The following SIK2 variants were observed in gnomAD, a reference collection of about 807,000 sequenced individuals.
SIK2 encodes the protein serine/threonine-protein kinase SIK2.
A neutral mutation model predicts 103.2 loss-of-function variants in SIK2; 29 were observed. The ratio of observed to expected loss-of-function variants is 0.28; its 90% CI spans 0.21 to 0.38. The LOEUF is 0.38. Among genes scored for constraint, SIK2 ranks in the 10% least tolerant of loss-of-function variants. The probability of loss-of-function intolerance (pLI) is 1.00; values close to 1 mark genes in which losing one functional copy is unlikely to be tolerated. For missense variants in SIK2, 879 were observed against 1,171.0 expected, an observed-to-expected ratio of 0.75 and a Z score of 3.64; for synonymous variants, 412 against 446.1, an observed-to-expected ratio of 0.92 and a Z score of 0.96.
intron 3 of SIK2, among the ~76,000 whole-genome samples, chr11:111,681,760 T>C (rs972504355): frequency 1.3e-5 from 2 of 152,194 alleles, no homozygotes; most frequent in South Asian, 2.1e-4. Context: ...ACCTAATAAA[T>C]GTGGCAGGAA....
intron 3 of SIK2, chr11:111,671,692 A>G: frequency 2.6e-6 from 1 of 383,374 alleles, no homozygotes; most frequent in Non-Finnish European, 5.1e-6. Flanking sequence ...CAGCTCCTGG[A>G]TCTCCTTCAT....
chr11:111,644,102 A>G (rs1299210327), intron 3 of SIK2, among the ~76,000 whole-genome samples: 1 of 151,934 alleles, frequency 6.6e-6, no homozygotes, highest in Non-Finnish European at 1.5e-5. Context: ...CCTGGCCAAC[A>G]TAGTGAAACC....
Position 111,703,296 on chromosome 11 carries a change from A to C in SIK2, c.821A>C (p.Glu274Ala). 6.2e-7 allele frequency: 1 copy of C among 1,614,218 alleles called. No individual in the cohort carries two copies. The highest frequency in any genetic ancestry group is 8.5e-7 in the Non-Finnish European group (1 of 1,180,026). Reference sequence around the variant, plus strand: ...AAGGAGCATAAATGGATGCTCATAGAAGTTCCTGTCCAGAGACCTGTTCTC... The same window carrying C: ...AAGGAGCATAAATGGATGCTCATAGCAGTTCCTGTCCAGAGACCTGTTCTC... The part of the protein sequence containing the change: ...QIKEHKWMLI[E>A]VPVQRPVLYP... Residue 274 changes from glutamate to alanine, a missense_variant, in exon 7 of 15, where the codon GAA becomes GCA. Glu to Ala is a moderately radical substitution (Grantham distance 107, BLOSUM62 -1). Transcript: ENST00000304987.
intron 1 of SIK2, among the ~76,000 whole-genome samples, chr11:111,611,565 CT>C (rs1249011912): frequency 1.3e-5 from 2 of 152,038 alleles, no homozygotes; most frequent in Non-Finnish European, 2.9e-5. Context: ...AATGTTGCTA[CT>C]TTATGTGGGA....
chr11:111,701,646 GCTT>G lies in SIK2; in HGVS notation c.727+75_727+77del. On this transcript the variant is annotated intron_variant, in intron 6 of 14. Transcript: ENST00000304987. The surrounding 1 kb of genome is among the most constrained non-coding windows in gnomAD (Gnocchi z 4.2). ...CTCCAAGTGAAATGCCTAGGTAAAAGCTTCTTTTTTTCTAAGAGTTTGGGTGCC... is the reference window on the plus strand; with the variant it reads ...CTCCAAGTGAAATGCCTAGGTAAAAGCTTTTTTTCTAAGAGTTTGGGTGCC... The G allele has an allele frequency of 6.5e-7, 1 of 1,539,928 alleles. No individual in the cohort carries two copies. The highest frequency in any genetic ancestry group is 1.9e-5 in the Admixed American group (1 of 52,130).
chr11:111,710,090 T>C (rs1943456980), intron 8 of SIK2, among the ~76,000 whole-genome samples: 1 of 152,258 alleles, frequency 6.6e-6, no homozygotes, highest in East Asian at 1.9e-4. Context: ...TCTTCAGTTT[T>C]ATCCTTTGAT....
intron 4 of SIK2, among the ~76,000 whole-genome samples, chr11:111,690,271 T>C (rs1293778700): frequency 3.5e-4 from 48 of 137,030 alleles, no homozygotes; most frequent in Admixed American, 3.5e-3. Flanking sequence ...AGAAGGTCTT[T>C]CTTTTTTTTT....
chr11:111,720,101 G>A lies in SIK2; in HGVS notation c.1495+98G>A, dbSNP rs1943757489. 1.4e-5 allele frequency: 16 copies of A among 1,174,588 alleles called. No individual in the cohort carries two copies. In the South Asian group the frequency reaches 2.0e-4, roughly 15 times the overall value. 72.8% of individuals were successfully genotyped at this position (1,174,588 alleles called of 1,614,324 possible). A position where few individuals can be genotyped will look rare whatever the true frequency, so the allele number is the denominator to read the frequency against. On this transcript the variant is annotated intron_variant, in intron 10 of 14. Coordinates refer to ENST00000304987, the MANE Select transcript of SIK2 (RefSeq NM_015191.3). ...ACGATGCCAGCCAACACCTAAAATT[G>A]AGTCGATAGCTTATTCCTTTATGGA...
At chr11:111,698,773 T>A (rs1943140854) in intron 4 of SIK2, among the ~76,000 whole-genome samples, 1 of 152,232 alleles carries the variant, frequency 6.6e-6, no homozygotes, top group African/African-American at 2.4e-5. Flanking sequence ...ATCCTCAATT[T>A]ACAGGCACTA....
At chr11:111,656,200 A>G (rs1342557018) in intron 3 of SIK2, among the ~76,000 whole-genome samples, 2 of 151,984 alleles carry the variant, frequency 1.3e-5, no homozygotes, top group African/African-American at 2.4e-5. Flanking sequence ...ACAAAAAGAG[A>G]GAGAGATTGA....
At chr11:111,627,992 T>A (rs1427934653) in intron 3 of SIK2, among the ~76,000 whole-genome samples, 1 of 152,350 alleles carries the variant, frequency 6.6e-6, no homozygotes, top group African/African-American at 2.4e-5. Context: ...AATTCCTGTT[T>A]AATCTTCCTA....
intron 1 of SIK2, among the ~76,000 whole-genome samples, chr11:111,606,788 A>G (rs1026633647): frequency 9.2e-5 from 14 of 152,100 alleles, no homozygotes; most frequent in Middle Eastern, 6.8e-3. Context: ...TTATTACCAA[A>G]TCTGTCGTGT....
At chr11:111,686,542 G>A (rs1447826933) in intron 3 of SIK2, among the ~76,000 whole-genome samples, 1 of 152,216 alleles carries the variant, frequency 6.6e-6, no homozygotes, top group Non-Finnish European at 1.5e-5. Context: ...AGCAGAAAAT[G>A]TGTGCAGGTG....
chr11:111,715,322 G>A (rs1023740254), intron 9 of SIK2, among the ~76,000 whole-genome samples: 1 of 152,064 alleles, frequency 6.6e-6, no homozygotes, highest in African/African-American at 2.4e-5. Flanking sequence ...CACACACACA[G>A]AAAAACTTAT....
At chr11:111,630,499 A>C (rs894640551) in intron 3 of SIK2, among the ~76,000 whole-genome samples, 21 of 140,336 alleles carry the variant, frequency 1.5e-4, no homozygotes, top group Middle Eastern at 7.0e-3. Context: ...GTCTCTCTCA[A>C]AAAAAAAAGG....
chr11:111,724,734 A>C lies in SIK2; in HGVS notation c.*605A>C, dbSNP rs1483677279. The C allele has an allele frequency of 6.5e-6, 1 of 153,452 alleles. No homozygotes were observed. Among genetic ancestry groups the C allele is most frequent in the African/African-American group, 2.4e-5 (1 of 41,446 alleles). The allele number at this position is 153,452 out of a possible 1,614,324, so 9.5% of individuals were successfully genotyped here. ...GCTGTGTTTCAGGGGCCACTAAATA[A>C]CAGCTGGTACTGACCCCAGAAACCG... On this transcript the variant is annotated 3_prime_UTR_variant, in exon 15 of 15. Transcript: ENST00000304987.
At chr11:111,695,296 T>C (rs996267047) in intron 4 of SIK2, among the ~76,000 whole-genome samples, 3 of 152,202 alleles carry the variant, frequency 2.0e-5, no homozygotes, top group Admixed American at 2.0e-4. Context: ...AATTATAAAT[T>C]AGACATTATA....
chr11:111,691,377 C>A (rs1942938432), intron 4 of SIK2, among the ~76,000 whole-genome samples: 1 of 152,172 alleles, frequency 6.6e-6, no homozygotes, highest in Admixed American at 6.5e-5. Flanking sequence ...ACTTCATCTT[C>A]ACAGCAATCT....
At position 111,701,551 on chromosome 11, in the gene SIK2, C is replaced by T. The variant is rs769912866; in HGVS notation, c.703C>T (p.Arg235Trp). 1 of 1,613,656 alleles carries T rather than the reference C, an allele frequency of 6.2e-7. No individual in the cohort carries two copies. The highest frequency in any genetic ancestry group is 1.3e-5 in the African/African-American group (1 of 74,982). ...GCAGAGGGTTCTGGAAGGAAGATTC[C>T]GGATTCCGTATTTCATGTCAGAAGG... ...LRQRVLEGRFRIPYFMSEDCE... is the reference protein window; with the variant it reads ...LRQRVLEGRFWIPYFMSEDCE... Residue 235 changes from arginine (R) to tryptophan (W), a missense_variant, in exon 6 of 15, where the codon CGG becomes TGG. Transcript: ENST00000304987. This position sits in a 1 kb window ranked among gnomAD's most constrained non-coding sequence, Gnocchi z 4.2.
Sources: allele counts gnomAD v4.1 joint callset (sites outside exome capture counted in the v4.1 genomes callset), GRCh38; gene constraint gnomAD v4.1.1; non-coding constraint Gnocchi (gnomAD v3.1); transcripts MANE v1.5; gene names NCBI Gene and HGNC (gene_info 2026-07-23, HGNC 2026-07-21).